The following ADAMTS1 variants were observed in gnomAD, a reference collection of about 807,000 sequenced individuals.
ADAMTS1 encodes ADAM metallopeptidase with thrombospondin type 1 motif 1.
ADAMTS1 carries 19 observed loss-of-function variants against 87.9 expected under a neutral mutation model. That is an observed-to-expected ratio of 0.22 (90% CI 0.15 to 0.32). The LOEUF is 0.32. Ranked by LOEUF, ADAMTS1 falls within the 10% of genes least tolerant of loss-of-function variation. ADAMTS1 has a pLI of 1.00. For synonymous variants in ADAMTS1, 542 were observed against 501.8 expected, an observed-to-expected ratio of 1.08 and a Z score of -1.07; for missense variants, 1,240 against 1,259.1, an observed-to-expected ratio of 0.98 and a Z score of 0.23.
Position 26,837,804 on chromosome 21 carries a change from TGCACACTCGGAAGCA to T in ADAMTS1, c.2664_2678del (p.Ala889_Ala893del). ...TGGTGCTGGCTGGCTTCACTTCCTT[TGCACACTCGGAAGCA>T]GGCTGTCCATTAATGTCTCGGCATT... On this transcript the variant is annotated inframe_deletion, in exon 9 of 9. Transcript: ENST00000284984. 2 of 1,614,190 alleles carry T rather than the reference TGCACACTCGGAAGCA, an allele frequency of 1.2e-6. No individual in the cohort carries two copies. The highest frequency in any genetic ancestry group is 1.7e-6 in the Non-Finnish European group (2 of 1,180,040).
chr21:26,837,717 C>A lies in ADAMTS1; in HGVS notation c.2766G>T (p.Lys922Asn). Residue 922 changes from lysine to asparagine, a missense_variant, in exon 9 of 9, where the codon AAG becomes AAT. Physicochemically the swap from Lys to Asn is moderately conservative, Grantham distance 94. Transcript: ENST00000284984. ...TTTTTTTGTAACCCTTCCCACAGGTCTTAGAACATGATGACCACTCCCCCA... is the reference window on the plus strand; with the variant it reads ...TTTTTTTGTAACCCTTCCCACAGGTATTAGAACATGATGACCACTCCCCCA... ...WQLGEWSSCSKTCGKGYKKRS... is the reference protein window; with the variant it reads ...WQLGEWSSCSNTCGKGYKKRS... 1 of 1,614,194 alleles carries A rather than the reference C, an allele frequency of 6.2e-7. No homozygotes were observed. The highest frequency in any genetic ancestry group is 8.5e-7 in the Non-Finnish European group (1 of 1,180,028).
chr21:26,842,061 G>A (rs1985505534), intron 2 of ADAMTS1, 71 bp from the exon 3 acceptor site: 3 of 1,536,066 alleles, frequency 2.0e-6, no homozygotes, highest in Non-Finnish European at 2.6e-6. Flanking sequence ...TTTTTGGCAG[G>A]GTGTGCCTTC....
In ADAMTS1 at chr21:26,844,782, T is replaced by G. The variant is rs1198153277; in HGVS notation, c.173A>C (p.Glu58Ala). Reference sequence around the variant, plus strand: ...CTCCAGCTCCGGCACCACTAGCTCCTCGTCCTCCTCGGAGGGGCGCCCGAG... The same window carrying G: ...CTCCAGCTCCGGCACCACTAGCTCCGCGTCCTCCTCGGAGGGGCGCCCGAG... ...DALGRPSEED[E>A]ELVVPELERA... is the part of the protein sequence containing the mutation. Residue 58 changes from glutamate (E) to alanine (A), a missense_variant, in exon 1 of 9, where the codon GAG (glutamate) becomes GCG (alanine). Coordinates refer to ENST00000284984, the MANE Select transcript of ADAMTS1 (RefSeq NM_006988.5). 1 of 1,546,398 alleles carries G rather than the reference T, an allele frequency of 6.5e-7. No homozygotes were observed. Among genetic ancestry groups the G allele is most frequent in the Admixed American group, 1.9e-5 (1 of 52,608 alleles).
chr21:26,837,027 G>C lies in ADAMTS1; in HGVS notation c.*552C>G, dbSNP rs549128080. On this transcript the variant is annotated 3_prime_UTR_variant, in exon 9 of 9. Coordinates refer to ENST00000284984, the MANE Select transcript of ADAMTS1 (RefSeq NM_006988.5). ...GCCTTTCTCTCATGTTGAACAATCTGAAGTTTTAATTCTCGGTAGAAATAA... is the reference window on the plus strand; with the variant it reads ...GCCTTTCTCTCATGTTGAACAATCTCAAGTTTTAATTCTCGGTAGAAATAA... 1 of 152,936 alleles carries C rather than the reference G, an allele frequency of 6.5e-6. No individual in the cohort carries two copies. The highest frequency in any genetic ancestry group is 2.4e-5 in the African/African-American group (1 of 41,438). 9.5% of individuals were successfully genotyped at this position (152,936 alleles called of 1,614,324 possible).
In ADAMTS1 at chr21:26,837,445, C is replaced by T. The variant is rs1732666671; in HGVS notation, c.*134G>A. 5 of 734,098 alleles carry T rather than the reference C, an allele frequency of 6.8e-6. No individual in the cohort carries two copies. The highest frequency in any genetic ancestry group is 2.7e-5 in the East Asian group (1 of 37,340). 45.5% of individuals were successfully genotyped at this position (734,098 alleles called of 1,614,324 possible). A position where few individuals can be genotyped will look rare whatever the true frequency, so the allele number is the denominator to read the frequency against. ...GATTCAACTCCTTTTCTATCTACCCCCATAATCCCACCTTACTGATACACC... is the reference window on the plus strand; with the variant it reads ...GATTCAACTCCTTTTCTATCTACCCTCATAATCCCACCTTACTGATACACC... On this transcript the variant is annotated 3_prime_UTR_variant, in exon 9 of 9. Transcript: ENST00000284984.
chr21:26,840,820 C>T (rs1180455683), intron 4 of ADAMTS1, among the ~76,000 whole-genome samples, 178 bp downstream of exon 4: 3 of 152,146 alleles, frequency 2.0e-5, no homozygotes, highest in Non-Finnish European at 4.4e-5. Flanking sequence ...GGGAGCTACT[C>T]AACCGGAAGC....
In ADAMTS1 at chr21:26,841,942, C is replaced by T. The variant is rs1985502541; in HGVS notation, c.1126G>A (p.Gly376Arg). 2 of 1,614,022 alleles carry T rather than the reference C, an allele frequency of 1.2e-6. No individual in the cohort carries two copies. The highest frequency in any genetic ancestry group is 2.2e-5 in the East Asian group (1 of 44,876). Residue 376 changes from glycine to arginine, a missense_variant, in exon 3 of 9, where the codon GGA becomes AGA. Physicochemically the swap from Gly to Arg is moderately radical, Grantham distance 125. Coordinates refer to ENST00000284984, the MANE Select transcript of ADAMTS1 (RefSeq NM_006988.5). ...TCDTLGMADV[G>R]TVCDPSRSCS... ...CTTCTGCTCGGATCACACACAGTTCCAACATCAGCCATCCCAAGAGTATCA... is the reference window on the plus strand; with the variant it reads ...CTTCTGCTCGGATCACACACAGTTCTAACATCAGCCATCCCAAGAGTATCA...
Position 26,844,697 on chromosome 21 carries a change from A to G in ADAMTS1, c.258T>C (p.Asp86=). 1 of 1,593,210 alleles carries G rather than the reference A, an allele frequency of 6.3e-7. No individual in the cohort carries two copies. The highest frequency in any genetic ancestry group is 8.5e-7 in the Non-Finnish European group (1 of 1,170,390). ...LRLHAFDQQL[D]LELRPDSSFL... is the part of the protein sequence containing the mutation. ...AGCTGCTGTCGGGCCGCAGCTCCAG[A>G]TCCAGCTGCTGGTCAAAGGCGTGCA... The change falls in exon 1 of 9, where the codon GAT becomes GAC. Residue 86 remains aspartate, a synonymous_variant. Transcript: ENST00000284984.
At position 26,844,786 on chromosome 21, in the gene ADAMTS1, C is replaced by A; in HGVS notation, c.169G>T (p.Asp57Tyr). The A allele has an allele frequency of 2.6e-6, 4 of 1,547,250 alleles. No individual in the cohort carries two copies. Among genetic ancestry groups the A allele is most frequent in the Middle Eastern group, 1.7e-4 (1 of 5,938 alleles). The change falls in exon 1 of 9, where the codon GAC becomes TAC. Residue 57 changes from aspartate (D) to tyrosine (Y), a missense_variant. Coordinates refer to ENST00000284984, the MANE Select transcript of ADAMTS1 (RefSeq NM_006988.5). ...AGCTCCGGCACCACTAGCTCCTCGT[C>A]CTCCTCGGAGGGGCGCCCGAGTGCG... Reference protein sequence around the residue: ...SDALGRPSEEDEELVVPELER... With the variant: ...SDALGRPSEEYEELVVPELER...
Position 26,845,084 on chromosome 21 carries a change from G to T in ADAMTS1, c.-130C>A. 8.1e-7 allele frequency: 1 copy of T among 1,229,146 alleles called. No homozygotes were observed. The highest frequency in any genetic ancestry group is 1.0e-6 in the Non-Finnish European group (1 of 963,424). 76.1% of individuals were successfully genotyped at this position (1,229,146 alleles called of 1,614,324 possible). On this transcript the variant is annotated 5_prime_UTR_variant, in exon 1 of 9. Coordinates refer to ENST00000284984, the MANE Select transcript of ADAMTS1 (RefSeq NM_006988.5). Reference sequence around the variant, plus strand: ...AACAATTTCTATTATTCGTTGGAAGGGCGCGCAGAGCCGGCTACAGCCGAA... The same window carrying T: ...AACAATTTCTATTATTCGTTGGAAGTGCGCGCAGAGCCGGCTACAGCCGAA...
Position 26,837,320 on chromosome 21 carries a change from A to G in ADAMTS1, c.*259T>C, listed in dbSNP as rs1174172985. 1.6e-5 allele frequency: 6 copies of G among 386,356 alleles called. No homozygotes were observed. Among genetic ancestry groups the G allele is most frequent in the Admixed American group, 1.2e-4 (3 of 24,720 alleles). 23.9% of individuals were successfully genotyped at this position (386,356 alleles called of 1,614,324 possible). On this transcript the variant is annotated 3_prime_UTR_variant, in exon 9 of 9. Transcript: ENST00000284984. ...AATAGATGTAACAAAAGAAATAATA[A>G]TAATAATGCCCGGGGCTTTATTATG...
At position 26,840,495 on chromosome 21, in the gene ADAMTS1, G is replaced by A. The variant is rs754926404; in HGVS notation, c.1446C>T (p.Tyr482=). Residue 482 remains tyrosine, a synonymous_variant, in exon 5 of 9, where the codon TAC becomes TAT. Coordinates refer to ENST00000284984, the MANE Select transcript of ADAMTS1 (RefSeq NM_006988.5). ...QLPGDLPGTS[Y]DANRQCQFTF... Reference sequence around the variant, plus strand: ...TAAACTGGCACTGCCGGTTGGCATCGTACGAGGTGCCAGGGAGATCGCCTG... The same window carrying A: ...TAAACTGGCACTGCCGGTTGGCATCATACGAGGTGCCAGGGAGATCGCCTG... 22 of 1,614,144 alleles carry A rather than the reference G, an allele frequency of 1.4e-5. No homozygotes were observed. Among genetic ancestry groups the A allele is most frequent in the Admixed American group, 6.7e-5 (4 of 60,014 alleles).
chr21:26,845,011 G>C lies in ADAMTS1; in HGVS notation c.-57C>G, dbSNP rs951395612. Reference sequence around the variant, plus strand: ...GCACGGAGCGAGGGACCTTTAGTTCGGGTCGGGAGAGCAAAGCCTCGTTGG... The same window carrying C: ...GCACGGAGCGAGGGACCTTTAGTTCCGGTCGGGAGAGCAAAGCCTCGTTGG... On this transcript the variant is annotated 5_prime_UTR_variant, in exon 1 of 9. Transcript: ENST00000284984. The C allele has an allele frequency of 4.1e-6, 6 of 1,471,134 alleles. No individual in the cohort carries two copies. The highest frequency in any genetic ancestry group is 5.4e-6 in the Non-Finnish European group (6 of 1,116,120). 91.1% of individuals were successfully genotyped at this position (1,471,134 alleles called of 1,614,324 possible).
At position 26,835,852 on chromosome 21, in the gene ADAMTS1, T is replaced by C. The variant is rs555959023; in HGVS notation, c.*1727A>G. The C allele has an allele frequency of 8.5e-5, 13 of 152,344 alleles. No homozygotes were observed. Among genetic ancestry groups the C allele is most frequent in the African/African-American group, 2.9e-4 (12 of 41,566 alleles). The allele number at this position is 152,344 out of a possible 1,614,324, so 9.4% of individuals were successfully genotyped here. ...CATTATTTGTTTTTGCAAGTAGTTTTTTTAGAACACAGCCATGTCCATTCA... is the reference window on the plus strand; with the variant it reads ...CATTATTTGTTTTTGCAAGTAGTTTCTTTAGAACACAGCCATGTCCATTCA... On this transcript the variant is annotated 3_prime_UTR_variant, in exon 9 of 9. Transcript: ENST00000284984.
intron 1 of ADAMTS1, chr21:26,843,761 T>G (rs1394344786): frequency 2.0e-6 from 1 of 491,492 alleles, no homozygotes; most frequent in African/African-American, 2.0e-5. Flanking sequence ...TCACCATTGC[T>G]CCTCTGCCCT....
chr21:26,841,013 G>A lies in ADAMTS1; in HGVS notation c.1363C>T (p.Leu455=). ...AATATCTCACCATGACCATTATCCA[G>A]AAATGATGTAATCATGTAGGCACTG... ...PCSAYMITSF[L]DNGHGECLMD... Residue 455 remains leucine (L), a synonymous_variant, in exon 4 of 9, where the codon CTG becomes TTG. Coordinates refer to ENST00000284984, the MANE Select transcript of ADAMTS1 (RefSeq NM_006988.5). 1.2e-6 allele frequency: 2 copies of A among 1,614,132 alleles called. No homozygotes were observed. Among genetic ancestry groups the A allele is most frequent in the Non-Finnish European group, 1.7e-6 (2 of 1,179,972 alleles).
At position 26,840,404 on chromosome 21, in the gene ADAMTS1, C is replaced by G; in HGVS notation, c.1537G>C (p.Gly513Arg). The G allele has an allele frequency of 1.2e-6, 2 of 1,614,106 alleles. No individual in the cohort carries two copies. Among genetic ancestry groups the G allele is most frequent in the Non-Finnish European group, 1.7e-6 (2 of 1,179,960 alleles). ...CACACCAGCACCCCACCAGAGGTGC[C>G]GGTACACCACAAGGTGCTACATGTG... is the stretch of plus-strand genomic sequence containing the variant. The part of the protein sequence containing the change: ...ASTCSTLWCT[G>R]TSGGVLVCQT... Residue 513 changes from glycine to arginine, a missense_variant, in exon 5 of 9, where the codon GGC becomes CGC. By Grantham distance (125) the Gly-to-Arg change is moderately radical. Coordinates refer to ENST00000284984, the MANE Select transcript of ADAMTS1 (RefSeq NM_006988.5).
rs1263719217 is a variant in ADAMTS1, at chr21:26,844,686, C to T, written c.269G>A (p.Arg90Gln). Residue 90 changes from arginine to glutamine, a missense_variant, in exon 1 of 9, where the codon CGG (arginine) becomes CAG (glutamine). Around this residue, in one of 3 missense-constraint regions of ADAMTS1, gnomAD observed 521 missense variants for 449.7 expected, o/e 1.16. Transcript: ENST00000284984. ...GGGCGCCAAAAAGCTGCTGTCGGGC[C>T]GCAGCTCCAGATCCAGCTGCTGGTC... Reference protein sequence around the residue: ...AFDQQLDLELRPDSSFLAPGF... With the variant: ...AFDQQLDLELQPDSSFLAPGF... The T allele has an allele frequency of 5.6e-6, 9 of 1,594,484 alleles. No individual in the cohort carries two copies. The highest frequency in any genetic ancestry group is 1.8e-5 in the Admixed American group (1 of 56,878).
chr21:26,845,111 C>G lies in ADAMTS1; in HGVS notation c.-157G>C. ...CGCGCAGAGCCGGCTACAGCCGAAG[C>G]TCCCGGAGTCACTAAAAGGAGGCGC... On this transcript the variant is annotated 5_prime_UTR_variant, in exon 1 of 9. Transcript: ENST00000284984. 9.3e-7 allele frequency: 1 copy of G among 1,077,832 alleles called. No homozygotes were observed. The allele number at this position is 1,077,832 out of a possible 1,614,324, so 66.8% of individuals were successfully genotyped here.
Sources: gnomAD v4.1 joint callset for allele counts (sites outside exome capture counted in the v4.1 genomes callset) on GRCh38, gnomAD v4.1.1 for gene constraint, gnomAD v4.1.1 regional missense constraint, MANE v1.5 for transcripts, NCBI Gene and HGNC (gene_info 2026-07-23, HGNC 2026-07-21) for gene names.